The following LOC400499 variants were observed in gnomAD, a reference collection of about 807,000 sequenced individuals.
chr16:11,437,542 G>A, the LOC400499 span, among the ~76,000 whole-genome samples: 1 of 152,188 alleles, frequency 6.6e-6, no homozygotes, highest in Non-Finnish European at 1.5e-5. Flanking sequence ...CTGGGTGACA[G>A]AGTAAGACCC....
At chr16:11,479,633 A>G in the LOC400499 span, among the ~76,000 whole-genome samples, 1 of 152,082 alleles carries the variant, frequency 6.6e-6, no homozygotes, top group Non-Finnish European at 1.5e-5. Flanking sequence ...TCTCTGAAAA[A>G]AGCAGAAAAG....
chr16:11,423,343 C>T, the LOC400499 span: 38 of 398,754 alleles, frequency 9.5e-5, no homozygotes, highest in Middle Eastern at 6.3e-4. Context: ...CACTTGACCC[C>T]GCCACCCTTT....
At chr16:11,509,704 G>T in the LOC400499 span, among the ~76,000 whole-genome samples, 1 of 151,880 alleles carries the variant, frequency 6.6e-6, no homozygotes, top group Admixed American at 6.6e-5. Flanking sequence ...GGTGGCAGGC[G>T]CCTGTAATCC....
At chr16:11,458,806 G>A in the LOC400499 span, among the ~76,000 whole-genome samples, 1 of 151,920 alleles carries the variant, frequency 6.6e-6, no homozygotes, top group Admixed American at 6.6e-5. Context: ...AGGCTGAGGT[G>A]AGCGGATCAC....
At chr16:11,510,659 G>A in the LOC400499 span, among the ~76,000 whole-genome samples, 34 of 151,700 alleles carry the variant, frequency 2.2e-4, 2 homozygotes, top group African/African-American at 8.0e-4. Context: ...CATGATCACA[G>A]GCCTGTCCCC....
chr16:11,421,408 TG>T, the LOC400499 span, among the ~76,000 whole-genome samples: 3 of 151,394 alleles, frequency 2.0e-5, no homozygotes, highest in African/African-American at 4.9e-5. Context: ...TTTTTTGTGT[TG>T]TTTTTTTTTT....
At chr16:11,492,049 G>A in the LOC400499 span, among the ~76,000 whole-genome samples, 1 of 152,074 alleles carries the variant, frequency 6.6e-6, no homozygotes, top group African/African-American at 2.4e-5. Context: ...CTAATTCCCA[G>A]TCTCTACCAG....
chr16:11,393,455 C>T, the LOC400499 span: 1 of 1,232,376 alleles, frequency 8.1e-7, no homozygotes, highest in South Asian at 4.1e-5. Flanking sequence ...GCCTCACTTT[C>T]TCCTCTCTGT....
the LOC400499 span, among the ~76,000 whole-genome samples, chr16:11,476,468 C>T: frequency 1.3e-5 from 2 of 152,062 alleles, no homozygotes; most frequent in Non-Finnish European, 2.9e-5. Flanking sequence ...CGTGGACACA[C>T]ACGCACTCCC....
At chr16:11,390,778 C>G in the LOC400499 span, among the ~76,000 whole-genome samples, 1 of 152,148 alleles carries the variant, frequency 6.6e-6, no homozygotes, top group Non-Finnish European at 1.5e-5. Flanking sequence ...ATGCCGGACC[C>G]CTGCTTGCTT....
At chr16:11,517,696 AC>A in the LOC400499 span, among the ~76,000 whole-genome samples, 1 of 152,144 alleles carries the variant, frequency 6.6e-6, no homozygotes, top group Non-Finnish European at 1.5e-5. Flanking sequence ...AGGAGCTGGC[AC>A]CAGAATTCAG....
At chr16:11,430,646 G>A in the LOC400499 span, among the ~76,000 whole-genome samples, 3 of 152,120 alleles carry the variant, frequency 2.0e-5, no homozygotes, top group East Asian at 3.8e-4. Flanking sequence ...CTGGGCAAAG[G>A]GGCTGTGCGA....
At chr16:11,409,207 G>C in the LOC400499 span, among the ~76,000 whole-genome samples, 1 of 152,038 alleles carries the variant, frequency 6.6e-6, no homozygotes, top group Non-Finnish European at 1.5e-5. Context: ...GTTGCGGTGA[G>C]TCGAGATCAC....
the LOC400499 span, chr16:11,459,848 C>T: frequency 7.9e-7 from 1 of 1,272,280 alleles, no homozygotes. Context: ...CTCCTACCGT[C>T]CATGCTGGAC....
chr16:11,434,242 G>A, the LOC400499 span, among the ~76,000 whole-genome samples: 1 of 152,218 alleles, frequency 6.6e-6, no homozygotes, highest in African/African-American at 2.4e-5. Flanking sequence ...AAGTAATAAT[G>A]TATAAAGGGT....
chr16:11,523,432 T>C, the LOC400499 span: 19 of 398,630 alleles, frequency 4.8e-5, no homozygotes, highest in Non-Finnish European at 8.4e-5. Context: ...GTGCACGCAG[T>C]CATGCAGGAG....
At chr16:11,511,978 G>A in the LOC400499 span, among the ~76,000 whole-genome samples, 22 of 151,734 alleles carry the variant, frequency 1.4e-4, no homozygotes, top group African/African-American at 3.2e-4. Flanking sequence ...CAGCCTGGGC[G>A]ACAGACCAAG....
the LOC400499 span, among the ~76,000 whole-genome samples, chr16:11,522,740 T>G: frequency 6.6e-6 from 1 of 152,326 alleles, no homozygotes; most frequent in South Asian, 2.1e-4. Flanking sequence ...TCACCTATCA[T>G]CTTGATGGAT....
the LOC400499 span, among the ~76,000 whole-genome samples, chr16:11,376,376 TATAAG>T: frequency 1.3e-5 from 2 of 152,146 alleles, no homozygotes; most frequent in South Asian, 2.1e-4. Flanking sequence ...CCCAACATGT[TATAAG>T]GTAAGAGGTT....
Sources: allele counts gnomAD v4.1 joint callset (sites outside exome capture counted in the v4.1 genomes callset), GRCh38; gene constraint gnomAD v4.1.1; transcripts MANE v1.5.